The following CACNA2D3 variants were observed in gnomAD, a reference collection of about 807,000 sequenced individuals.
CACNA2D3 encodes voltage-dependent calcium channel subunit alpha-2/delta-3.
CACNA2D3 carries 60 observed loss-of-function variants against 160.6 expected under a neutral mutation model. The ratio of observed to expected loss-of-function variants is 0.37; its 90% CI spans 0.30 to 0.46. The LOEUF (loss-of-function observed/expected upper bound fraction) is 0.46, where lower values mean the gene tolerates loss of function less well. Ranked by LOEUF, CACNA2D3 falls within the 20% of genes least tolerant of loss-of-function variation. The pLI is 1.00. For synonymous variants in CACNA2D3, 558 were observed against 492.9 expected, an observed-to-expected ratio of 1.13 and a Z score of -1.75; for missense variants, 1,205 against 1,365.0, an observed-to-expected ratio of 0.88 and a Z score of 1.85.
At chr3:55,055,782 T>A (rs1704345570) in intron 35 of CACNA2D3, among the ~76,000 whole-genome samples, 1 of 152,160 alleles carries the variant, frequency 6.6e-6, no homozygotes, top group African/African-American at 2.4e-5. Flanking sequence ...AATTTACTCC[T>A]AAGCTTTTTT....
intron 4 of CACNA2D3, among the ~76,000 whole-genome samples, chr3:54,388,241 G>A (rs1271342288): frequency 6.6e-6 from 1 of 152,144 alleles, no homozygotes; most frequent in African/African-American, 2.4e-5. Flanking sequence ...ATTTGATAGA[G>A]GAGTATAGAC....
In CACNA2D3 at chr3:54,665,838, G is replaced by A. The variant is rs1006411290; in HGVS notation, c.1167+23597G>A. ...GGGTTTGCTCTGCCACCCAGGTTCC[G>A]CCACCCAGGCTGGATTTGCACTGCA... On this transcript the variant is annotated intron_variant, in intron 11 of 37. Coordinates refer to ENST00000474759, the MANE Select transcript of CACNA2D3 (RefSeq NM_018398.3). Among the ~76,000 whole-genome samples the A allele has an allele frequency of 1.1e-3, 163 of 148,998 alleles. 2 individuals are homozygous for A. The highest frequency in any genetic ancestry group is 2.0e-4 in the East Asian group (1 of 5,050).
At position 54,899,697 on chromosome 3, in the gene CACNA2D3, G is replaced by C. The variant is rs1459898291; in HGVS notation, c.2369-91G>C. Reference sequence around the variant, plus strand: ...GGACCAAGCCCCAGAACAATTTGCAGAATTGGTGACTGTAGACCGATATGA... The same window carrying C: ...GGACCAAGCCCCAGAACAATTTGCACAATTGGTGACTGTAGACCGATATGA... On this transcript the variant is annotated intron_variant, in intron 26 of 37. Coordinates refer to ENST00000474759, the MANE Select transcript of CACNA2D3 (RefSeq NM_018398.3). The C allele has an allele frequency of 1.6e-5, 15 of 965,526 alleles. No homozygotes were observed. The South Asian group carries it at 1.6e-4, about 10-fold the overall frequency. The allele number at this position is 965,526 out of a possible 1,614,324, so 59.8% of individuals were successfully genotyped here. A position where few individuals can be genotyped will look rare whatever the true frequency, so the allele number is the denominator to read the frequency against.
rs75562612 is a variant in CACNA2D3 at position 54,205,042 on chromosome 3, C to T, written c.204+81448C>T. On this transcript the variant is annotated intron_variant, in intron 2 of 37. Coordinates refer to ENST00000474759, the MANE Select transcript of CACNA2D3 (RefSeq NM_018398.3). ...CTGGAGATAAAGTTAAGAACATTCC[C>T]CATAAGTAGAATAAAATAATGAAGA... Among the ~76,000 whole-genome samples the T allele has an allele frequency of 5.7e-4, 87 of 151,918 alleles. No homozygotes were observed. The East Asian group carries it at 9.7e-3, about 17-fold the overall frequency.
At chr3:54,534,238 G>A (rs1292681906) in intron 5 of CACNA2D3, among the ~76,000 whole-genome samples, 1 of 152,088 alleles carries the variant, frequency 6.6e-6, no homozygotes, top group Non-Finnish European at 1.5e-5. Flanking sequence ...ATCTTTTTTG[G>A]TGGCAGAATT....
chr3:54,544,158 T>C (rs144851497), intron 5 of CACNA2D3, among the ~76,000 whole-genome samples: 4 of 152,316 alleles, frequency 2.6e-5, no homozygotes, highest in African/African-American at 9.6e-5. Flanking sequence ...ATAATTCAAT[T>C]GTAAGAGATA....
At chr3:54,436,461 A>G (rs1214613595) in intron 4 of CACNA2D3, among the ~76,000 whole-genome samples, 2 of 152,216 alleles carry the variant, frequency 1.3e-5, no homozygotes, top group Admixed American at 6.5e-5. Flanking sequence ...TCATTCTACT[A>G]TAAAGTCACA....
rs951502896 is a variant in CACNA2D3, at chr3:54,626,411, C to T, written c.964-1376C>T. Reference sequence around the variant, plus strand: ...TGCCTGCGCAAGGCCAAGAAGGAGGCGCTGCCCATGGAGAAGCCGGAAGTG... The same window carrying T: ...TGCCTGCGCAAGGCCAAGAAGGAGGTGCTGCCCATGGAGAAGCCGGAAGTG... On this transcript the variant is annotated intron_variant, in intron 9 of 37. Coordinates refer to ENST00000474759, the MANE Select transcript of CACNA2D3 (RefSeq NM_018398.3). The T allele has an allele frequency of 1.3e-5, 21 of 1,578,438 alleles. No individual in the cohort carries two copies. The Admixed American group carries it at 2.1e-4, about 16-fold the overall frequency.
chr3:54,956,387 T>C (rs1257675285), intron 27 of CACNA2D3, among the ~76,000 whole-genome samples: 1 of 152,242 alleles, frequency 6.6e-6, no homozygotes, highest in Non-Finnish European at 1.5e-5. Flanking sequence ...ACAATTTTGC[T>C]GTGTCAGGCT....
chr3:54,183,890 A>AGG (rs1164543996), intron 2 of CACNA2D3, among the ~76,000 whole-genome samples: 1 of 115,208 alleles, frequency 8.7e-6, no homozygotes, highest in Non-Finnish European at 1.8e-5. Context: ...CGTCTCAAAA[A>AGG]AGAAAAAAAA....
At chr3:54,996,716 C>G (rs557756178) in intron 31 of CACNA2D3, among the ~76,000 whole-genome samples, 1 of 152,288 alleles carries the variant, frequency 6.6e-6, no homozygotes, top group South Asian at 2.1e-4. Context: ...CTGAATGTGT[C>G]CAGACTGGTA....
At chr3:54,889,816 T>G (rs1168284516) in intron 24 of CACNA2D3, among the ~76,000 whole-genome samples, 1 of 152,198 alleles carries the variant, frequency 6.6e-6, no homozygotes, top group Non-Finnish European at 1.5e-5. Flanking sequence ...GGTTTCTTTC[T>G]CTAGTAAACC....
At chr3:54,470,766 A>C (rs1318103690) in intron 4 of CACNA2D3, among the ~76,000 whole-genome samples, 2 of 152,214 alleles carry the variant, frequency 1.3e-5, no homozygotes, top group Admixed American at 1.3e-4. Flanking sequence ...TTGCAATCCT[A>C]GTCTCTGATA....
intron 2 of CACNA2D3, among the ~76,000 whole-genome samples, chr3:54,131,223 G>A (rs1699699820): frequency 6.6e-6 from 1 of 152,216 alleles, no homozygotes; most frequent in Non-Finnish European, 1.5e-5. Context: ...TGGCATGTAG[G>A]CAGATGATCC....
At position 54,774,629 on chromosome 3, in the gene CACNA2D3, AT is replaced by A. The variant is rs111655457; in HGVS notation, c.1380+10301del. Among the ~76,000 whole-genome samples the A allele has an allele frequency of 8.1e-3, 870 of 107,870 alleles. 2 individuals carry two copies. Among genetic ancestry groups the A allele is most frequent in the African/African-American group, 0.023 (612 of 26,314 alleles). The allele number at this position is 107,870 out of a possible 152,430, so 70.8% of individuals were successfully genotyped here. On this transcript the variant is annotated intron_variant, in intron 13 of 37. Transcript: ENST00000474759. ...TATTATTTTGACTTGCTCTTTGACT[AT>A]TTTTTTTTTTTTTTTTTTTTTTGAA...
intron 2 of CACNA2D3, among the ~76,000 whole-genome samples, chr3:54,242,550 A>T (rs1272266932): frequency 6.6e-6 from 1 of 152,216 alleles, no homozygotes; most frequent in Non-Finnish European, 1.5e-5. Flanking sequence ...ATGAAATAAA[A>T]TAAGGGTTAC....
At chr3:54,298,013 T>C (rs1289075131) in intron 2 of CACNA2D3, among the ~76,000 whole-genome samples, 1 of 152,236 alleles carries the variant, frequency 6.6e-6, no homozygotes, top group African/African-American at 2.4e-5. Context: ...GAGATTCATA[T>C]GCATATTAAA....
intron 2 of CACNA2D3, among the ~76,000 whole-genome samples, chr3:54,161,645 A>G (rs1201122726): frequency 6.6e-6 from 1 of 152,246 alleles, no homozygotes; most frequent in Non-Finnish European, 1.5e-5. Context: ...CCTTCCCAGC[A>G]TGTTCATTGT....
intron 2 of CACNA2D3, among the ~76,000 whole-genome samples, chr3:54,257,891 A>C (rs770311424): frequency 6.6e-6 from 1 of 152,232 alleles, no homozygotes; most frequent in Non-Finnish European, 1.5e-5. Flanking sequence ...ACAATCGAAG[A>C]AATTAGAAAA....
Sources: gnomAD v4.1 joint callset for allele counts (sites outside exome capture counted in the v4.1 genomes callset) on GRCh38, gnomAD v4.1.1 for gene constraint, MANE v1.5 for transcripts, NCBI Gene and HGNC (gene_info 2026-07-23, HGNC 2026-07-21) for gene names.